PRMT7: variants seen among roughly 807,000 people sequenced by gnomAD.
PRMT7 encodes protein arginine methyltransferase 7, also known as protein arginine N-methyltransferase 7.
Under a neutral mutation model 85.4 loss-of-function variants are expected in PRMT7, and 75 were observed. That is an observed-to-expected ratio of 0.88 (90% CI 0.73 to 1.06). PRMT7 has a LOEUF of 1.06. Among genes scored for constraint, PRMT7 ranks in the 50% least tolerant of loss-of-function variants. PRMT7 has a pLI of 0.00. For synonymous variants in PRMT7, 397 were observed against 359.5 expected (o/e 1.10, Z -1.18); for missense variants, 868 against 915.2 (o/e 0.95, Z 0.67).
chr16:68,332,030 C>A (rs1323902356), intron 6 of PRMT7, among the ~76,000 whole-genome samples: 2 of 152,006 alleles, frequency 1.3e-5, no homozygotes, highest in African/African-American at 4.8e-5. Context: ...TTTGGAATTC[C>A]CCATTGTTGA....
chr16:68,348,613 G>A (rs932974452), intron 14 of PRMT7, among the ~76,000 whole-genome samples, 182 bp downstream of exon 14: 17 of 149,120 alleles, frequency 1.1e-4, no homozygotes, highest in African/African-American at 4.2e-4. Flanking sequence ...TGCCCGGTGA[G>A]CAGATGGTTG....
intron 9 of PRMT7, among the ~76,000 whole-genome samples, chr16:68,345,281 T>C (rs1406537849): frequency 6.6e-6 from 1 of 152,224 alleles, no homozygotes; most frequent in Non-Finnish European, 1.5e-5. Context: ...CCATGGACTG[T>C]TCTGAAAAGG....
chr16:68,350,444 T>G (rs939637097), intron 14 of PRMT7, among the ~76,000 whole-genome samples: 2 of 152,170 alleles, frequency 1.3e-5, no homozygotes, highest in African/African-American at 4.8e-5. Context: ...CTTTTTTTTT[T>G]TAGCATAACC....
At chr16:68,312,957 A>G (rs983028268) in intron 2 of PRMT7, among the ~76,000 whole-genome samples, 3 of 152,056 alleles carry the variant, frequency 2.0e-5, no homozygotes, top group Non-Finnish European at 4.4e-5. Context: ...CCCAAGTAGC[A>G]GGGATTACAG....
In PRMT7 at chr16:68,353,441, T is replaced by C. The variant is rs561414568; in HGVS notation, c.1576-51T>C. On this transcript the variant is annotated intron_variant, in intron 15 of 18. Coordinates refer to ENST00000441236, the MANE Select transcript of PRMT7 (RefSeq NM_019023.5). ...GTGCCTCTTGTTCTTGCTGCCACGCTTCCCTGTGTCCTGGCGGGCGGGTGT... is the reference window on the plus strand; with the variant it reads ...GTGCCTCTTGTTCTTGCTGCCACGCCTCCCTGTGTCCTGGCGGGCGGGTGT... The C allele has an allele frequency of 8.1e-6, 13 of 1,607,606 alleles. 1 individual carries two copies. Among genetic ancestry groups the C allele is most frequent in the East Asian group, 2.3e-5 (1 of 44,402 alleles).
Position 68,346,295 on chromosome 16 carries a change from C to T in PRMT7, c.1191+15C>T, listed in dbSNP as rs757188725. The T allele has an allele frequency of 6.2e-7, 1 of 1,613,086 alleles. No homozygotes were observed. The highest frequency in any genetic ancestry group is 1.3e-5 in the African/African-American group (1 of 75,036). On this transcript the variant is annotated intron_variant, in intron 11 of 18. Coordinates refer to ENST00000441236, the MANE Select transcript of PRMT7 (RefSeq NM_019023.5). ...CTCTGAGGACCGTAAGTGTCCAGCC[C>T]CTTGGCTTGTTGTGGGGAAAAGGGA...
Position 68,339,933 on chromosome 16 carries a change from C to G in PRMT7, c.892C>G (p.Pro298Ala). The G allele has an allele frequency of 6.2e-7, 1 of 1,613,982 alleles. No homozygotes were observed. Among genetic ancestry groups the G allele is most frequent in the South Asian group, 1.1e-5 (1 of 91,052 alleles). Residue 298 changes from proline (P) to alanine (A), a missense_variant, in exon 9 of 19, where the codon CCC (proline) becomes GCC (alanine). Pro to Ala is a conservative substitution (Grantham distance 27). Coordinates refer to ENST00000441236, the MANE Select transcript of PRMT7 (RefSeq NM_019023.5). ...GGGGAAGATCAAGTGCACCATGGCCCCCTTCTGGGCACACTCAGACCCAGA... is the reference window on the plus strand; with the variant it reads ...GGGGAAGATCAAGTGCACCATGGCCGCCTTCTGGGCACACTCAGACCCAGA... The part of the protein sequence containing the change: ...PEGKIKCTMA[P>A]FWAHSDPEEM...
chr16:68,356,404 C>T (rs2088477192), intron 17 of PRMT7, among the ~76,000 whole-genome samples: 2 of 152,248 alleles, frequency 1.3e-5, no homozygotes, highest in Admixed American at 1.3e-4. Flanking sequence ...GAGGGGCCTT[C>T]CGGCCTTCAG....
At chr16:68,336,632 ATCTC>A (rs1423690004) in intron 6 of PRMT7, among the ~76,000 whole-genome samples, 4 of 152,182 alleles carry the variant, frequency 2.6e-5, no homozygotes, top group African/African-American at 7.2e-5. Flanking sequence ...GTTAATTTAT[ATCTC>A]TCTAATTGCT....
chr16:68,315,119 A>G (rs2151328397), intron 2 of PRMT7: 1 of 151,224 alleles, frequency 6.6e-6, no homozygotes, highest in Non-Finnish European at 1.5e-5. Context: ...TTTTAAAAAA[A>G]AAAAAAAAGA....
At chr16:68,347,519 A>G (rs2086600401) in intron 12 of PRMT7, 112 bp from the exon 13 acceptor site, 1 of 1,217,864 alleles carries the variant, frequency 8.2e-7, no homozygotes, top group African/African-American at 1.5e-5. Flanking sequence ...GAGGGCAGGG[A>G]GGGTTGTTCA....
intron 3 of PRMT7, among the ~76,000 whole-genome samples, chr16:68,316,317 G>A (rs1016370109): frequency 2.6e-4 from 39 of 152,140 alleles, no homozygotes; most frequent in African/African-American, 9.4e-4. Flanking sequence ...TCTGTTTAAC[G>A]GAGCAAAGAA....
At chr16:68,355,961 C>T (rs1341822472) in intron 17 of PRMT7, 78 bp downstream of exon 17, 36 of 1,392,916 alleles carry the variant, frequency 2.6e-5, no homozygotes, top group Non-Finnish European at 3.3e-5. Flanking sequence ...GTGAGCACAG[C>T]TGGCCTGGGA....
intron 12 of PRMT7, 127 bp downstream of exon 12, chr16:68,347,421 G>A (rs1480805766): frequency 2.4e-5 from 27 of 1,108,634 alleles, no homozygotes; most frequent in Admixed American, 2.6e-5. Context: ...CAGCATGCTC[G>A]GGTCAGGGGC....
intron 6 of PRMT7, among the ~76,000 whole-genome samples, chr16:68,336,141 G>A (rs1200043332): frequency 1.3e-5 from 2 of 152,154 alleles, no homozygotes; most frequent in Non-Finnish European, 2.9e-5. Context: ...CTCTGTGTAG[G>A]GGAAATGAGT....
intron 5 of PRMT7, among the ~76,000 whole-genome samples, chr16:68,326,309 G>T (rs530807767): frequency 6.6e-6 from 1 of 152,132 alleles, no homozygotes; most frequent in Non-Finnish European, 1.5e-5. Context: ...TTCGTGGCGT[G>T]ATCTCTATTC....
At chr16:68,320,873 T>C in intron 3 of PRMT7, among the ~76,000 whole-genome samples, 1 of 152,328 alleles carries the variant, frequency 6.6e-6, no homozygotes, top group African/African-American at 2.4e-5. Context: ...AGAGGATCTC[T>C]TGAGCTAAGG....
At position 68,346,184 on chromosome 16, in the gene PRMT7, G is replaced by A. The variant is rs753890643; in HGVS notation, c.1095G>A (p.Val365=). The A allele has an allele frequency of 3.0e-5, 49 of 1,614,010 alleles. No homozygotes were observed. The highest frequency in any genetic ancestry group is 3.6e-5 in the Non-Finnish European group (43 of 1,180,042). The change falls in exon 11 of 19, where the codon GTG becomes GTA. Residue 365 remains valine, a synonymous_variant. Coordinates refer to ENST00000441236, the MANE Select transcript of PRMT7 (RefSeq NM_019023.5). ...KNERVRQMRP[V]CDCQAHLLWN... The stretch of plus-strand genomic sequence containing the variant: ...AGAGAGTCCGCCAGATGCGCCCCGT[G>A]TGTGACTGCCAGGCTCACCTGCTCT...
Position 68,356,610 on chromosome 16 carries a change from C to T in PRMT7, c.1812-91C>T, listed in dbSNP as rs2088561710. On this transcript the variant is annotated intron_variant, in intron 17 of 18. Transcript: ENST00000441236. The stretch of plus-strand genomic sequence containing the variant: ...CAGGGCAGGAAGGAAGTGGGGAAGA[C>T]CACAGGTTTCTGGAAAGCCGCAGGA... The T allele has an allele frequency of 5.2e-6, 5 of 952,650 alleles. No homozygotes were observed. The Admixed American group carries it at 1.1e-4, about 20-fold the overall frequency. 59.0% of individuals were successfully genotyped at this position (952,650 alleles called of 1,614,324 possible).
Sources: allele counts gnomAD v4.1 joint callset (sites outside exome capture counted in the v4.1 genomes callset), GRCh38; gene constraint gnomAD v4.1.1; transcripts MANE v1.5; gene names NCBI Gene and HGNC (gene_info 2026-07-23, HGNC 2026-07-21).